TCF7L2: variants seen among roughly 807,000 people sequenced by gnomAD.
The protein encoded by TCF7L2 is transcription factor 7 like 2, also known as transcription factor 7-like 2.
A neutral mutation model predicts 77.9 loss-of-function variants in TCF7L2; 23 were observed. The ratio of observed to expected loss-of-function variants is 0.30; its 90% CI spans 0.21 to 0.42. The LOEUF (loss-of-function observed/expected upper bound fraction) is 0.42, where lower values mean the gene tolerates loss of function less well. TCF7L2 is among the 10% of genes least tolerant of loss of function. TCF7L2 has a pLI of 1.00. For missense variants in TCF7L2, 654 were observed against 793.1 expected (o/e 0.82, Z 2.11); for synonymous variants, 413 against 340.2 (o/e 1.21, Z -2.36).
intron 4 of TCF7L2, among the ~76,000 whole-genome samples, chr10:112,988,724 T>C (rs1467701369): frequency 6.6e-6 from 1 of 152,234 alleles, no homozygotes; most frequent in African/African-American, 2.4e-5. Context: ...TTTGAGGTCC[T>C]CTTGTGGTTC....
At position 113,040,136 on chromosome 10, in the gene TCF7L2, C is replaced by T. The variant is rs190885652; in HGVS notation, c.552+10C>T. 136 of 1,611,942 alleles carry T rather than the reference C, an allele frequency of 8.4e-5. No homozygotes were observed. Among genetic ancestry groups the T allele is most frequent in the Non-Finnish European group, 1.2e-4 (136 of 1,178,768 alleles). ...ACCGGCACACATTGTCGTAAGTAAC[C>T]TCCCAGAGATGATGGCTTCCTTTAT... On this transcript the variant is annotated intron_variant, in intron 5 of 13. Transcript: ENST00000627217.
At chr10:113,015,157 G>C (rs2047125966) in intron 4 of TCF7L2, among the ~76,000 whole-genome samples, 1 of 152,198 alleles carries the variant, frequency 6.6e-6, no homozygotes, top group Non-Finnish European at 1.5e-5. Context: ...TTGCACTCCA[G>C]CCTGGGCAAC....
chr10:113,103,319 G>A (rs373950979), intron 5 of TCF7L2, among the ~76,000 whole-genome samples: 5 of 152,138 alleles, frequency 3.3e-5, no homozygotes, highest in Non-Finnish European at 4.4e-5. Flanking sequence ...CTTTATTACC[G>A]GAAGTTGTGG....
intron 4 of TCF7L2, among the ~76,000 whole-genome samples, chr10:112,991,252 G>A (rs539994782): frequency 2.0e-5 from 3 of 151,776 alleles, no homozygotes; most frequent in African/African-American, 7.3e-5. Flanking sequence ...AACCCTGGCC[G>A]GGCGCGGTGG....
chr10:112,999,450 T>G (rs149887752), intron 4 of TCF7L2, among the ~76,000 whole-genome samples: 2 of 152,328 alleles, frequency 1.3e-5, no homozygotes, highest in African/African-American at 4.8e-5. Flanking sequence ...TTGTCTTAGC[T>G]TGGTGCCTTT....
At chr10:113,006,236 T>C (rs959851417) in intron 4 of TCF7L2, among the ~76,000 whole-genome samples, 2 of 152,214 alleles carry the variant, frequency 1.3e-5, no homozygotes, top group Admixed American at 1.3e-4. Context: ...TAGCCAAATT[T>C]CTGTTTCTAA....
At chr10:113,094,081 G>T (rs2060676886) in intron 5 of TCF7L2, among the ~76,000 whole-genome samples, 1 of 152,208 alleles carries the variant, frequency 6.6e-6, no homozygotes, top group Non-Finnish European at 1.5e-5. Flanking sequence ...TTTGGGGTGT[G>T]TGTGCGCGTG....
intron 5 of TCF7L2, among the ~76,000 whole-genome samples, chr10:113,070,916 G>C (rs147051615): frequency 2.0e-5 from 3 of 152,062 alleles, no homozygotes; most frequent in Non-Finnish European, 4.4e-5. Flanking sequence ...CAAAACCCCC[G>C]TGTCTCCTAG....
At chr10:113,009,331 G>T (rs928725234) in intron 4 of TCF7L2, among the ~76,000 whole-genome samples, 2 of 152,174 alleles carry the variant, frequency 1.3e-5, no homozygotes, top group Non-Finnish European at 1.5e-5. Context: ...TCTCCGAGTT[G>T]CATTACCTCC....
At chr10:113,027,925 G>T (rs1026683759) in intron 4 of TCF7L2, among the ~76,000 whole-genome samples, 4 of 152,198 alleles carry the variant, frequency 2.6e-5, no homozygotes, top group African/African-American at 9.6e-5. Context: ...TTCCTTGAGT[G>T]ACTAGGATTA....
intron 5 of TCF7L2, among the ~76,000 whole-genome samples, chr10:113,128,532 ATCTTTGCCACTGG>A (rs1218231450): frequency 6.6e-6 from 1 of 152,090 alleles, no homozygotes; most frequent in Non-Finnish European, 1.5e-5. Context: ...AAGAAACCAA[ATCTTTGCCACTGG>A]TCTTGCTTCA....
intron 4 of TCF7L2, among the ~76,000 whole-genome samples, chr10:112,988,045 G>A (rs2135393119): frequency 6.7e-6 from 1 of 148,370 alleles, no homozygotes; most frequent in East Asian, 2.0e-4. Flanking sequence ...GGAATGTACA[G>A]TTTACTGGGA....
intron 5 of TCF7L2, among the ~76,000 whole-genome samples, chr10:113,122,111 G>A (rs1457890364): frequency 6.6e-6 from 1 of 152,182 alleles, no homozygotes; most frequent in African/African-American, 2.4e-5. Context: ...CAAAGGATAT[G>A]TCCTTAGACA....
At chr10:112,958,110 C>T (rs1041373047) in intron 3 of TCF7L2, among the ~76,000 whole-genome samples, 7 of 152,200 alleles carry the variant, frequency 4.6e-5, no homozygotes, top group Non-Finnish European at 8.8e-5. Flanking sequence ...GATCTTTGAA[C>T]GGGTTATCAG....
At position 113,165,874 on chromosome 10, in the gene TCF7L2, T is replaced by C. The variant is rs1054377179; in HGVS notation, c.1711T>C (p.Ser571Pro). Residue 571 changes from serine (S) to proline (P), a missense_variant, in exon 14 of 14, where the codon TCA becomes CCA. Physicochemically the swap from Ser to Pro is moderately conservative, Grantham distance 74. Around this residue, in one of 6 missense-constraint regions of TCF7L2, gnomAD observed 272 missense variants for 215.4 expected, o/e 1.26. Coordinates refer to ENST00000627217, the MANE Select transcript of TCF7L2 (RefSeq NM_001146274.2). The stretch of plus-strand genomic sequence containing the variant: ...TTTGCAGCCTGCCGCCCCCTCCTCA[T>C]CAATTGCACAGCCGTCGACTTCTTC... The C allele has an allele frequency of 5.0e-6, 8 of 1,606,274 alleles. No individual in the cohort carries two copies. The Admixed American group carries it at 5.1e-5, about 10-fold the overall frequency.
At chr10:113,053,263 C>T (rs554440186) in intron 5 of TCF7L2, among the ~76,000 whole-genome samples, 7 of 152,250 alleles carry the variant, frequency 4.6e-5, no homozygotes, top group South Asian at 2.1e-4. Flanking sequence ...TGGGCTGAGA[C>T]TCTAGGGGTG....
In TCF7L2 at chr10:113,166,935, TGA is replaced by T. The variant is rs748186899; in HGVS notation, c.*964_*965del. On this transcript the variant is annotated 3_prime_UTR_variant, in exon 14 of 14. Transcript: ENST00000627217. The stretch of plus-strand genomic sequence containing the variant: ...AAAAGCCATTATGTAAAACAAGACT[TGA>T]AAATGAGTGAGGGAATTTTAGCGAC... 2.6e-4 allele frequency: 60 copies of T among 230,824 alleles called. No individual in the cohort carries two copies. The highest frequency in any genetic ancestry group is 4.3e-4 in the Non-Finnish European group (50 of 116,678). 14.3% of individuals were successfully genotyped at this position (230,824 alleles called of 1,614,324 possible).
At chr10:112,954,731 G>A (rs1458567398) in intron 3 of TCF7L2, among the ~76,000 whole-genome samples, 1 of 152,232 alleles carries the variant, frequency 6.6e-6, no homozygotes, top group African/African-American at 2.4e-5. Context: ...TGGCAAAGTG[G>A]AAATAGGAAT....
At chr10:113,069,179 G>A (rs1400993679) in intron 5 of TCF7L2, among the ~76,000 whole-genome samples, 1 of 151,954 alleles carries the variant, frequency 6.6e-6, no homozygotes, top group Non-Finnish European at 1.5e-5. Flanking sequence ...TGCGGTGGGC[G>A]CTGTAAATGT....
Sources: allele counts gnomAD v4.1 joint callset (sites outside exome capture counted in the v4.1 genomes callset), GRCh38; gene constraint gnomAD v4.1.1; regional missense constraint gnomAD v4.1.1; transcripts MANE v1.5; gene names NCBI Gene and HGNC (gene_info 2026-07-23, HGNC 2026-07-21).